ASH1L: variants seen among roughly 807,000 people sequenced by gnomAD.
ASH1L encodes histone-lysine N-methyltransferase ASH1L.
Under a neutral mutation model 269.0 loss-of-function variants are expected in ASH1L, and 23 were observed. The observed-to-expected ratio is 0.09, with a 90% CI of 0.06 to 0.12. ASH1L has a LOEUF of 0.12. Ranked by LOEUF, ASH1L falls within the 10% of genes least tolerant of loss-of-function variation. The probability of loss-of-function intolerance (pLI) is 1.00; values close to 1 mark genes in which losing one functional copy is unlikely to be tolerated. For missense variants in ASH1L, 2,912 were observed against 3,567.8 expected (o/e 0.82, Z 4.68); for synonymous variants, 1,187 against 1,253.5 (o/e 0.95, Z 1.12).
chr1:155,529,420 G>C (rs528227823), intron 1 of ASH1L, among the ~76,000 whole-genome samples: 1 of 145,872 alleles, frequency 6.9e-6, no homozygotes, highest in African/African-American at 2.6e-5. Context: ...CTGTGGTTTT[G>C]ATTTGCATTT....
rs1325186465 is a variant in ASH1L at position 155,341,946 on chromosome 1, T to C, written c.8450A>G (p.Lys2817Arg). ...AGGAAGGAGACTCACCGAGAAATCT[T>C]TTTTGGGAGTGAGCTTCTTGGGGAA... ...DHFPKKLTPK[K>R]DFSPHYVPDN... The change falls in exon 25 of 28, where the codon AAA becomes AGA. Residue 2817 changes from lysine to arginine, a missense_variant. Around this residue, in one of 13 missense-constraint regions of ASH1L, gnomAD observed 179 missense variants for 293.8 expected, o/e 0.61. Coordinates refer to ENST00000392403, the MANE Select transcript of ASH1L (RefSeq NM_018489.3). 2.5e-6 allele frequency: 4 copies of C among 1,614,008 alleles called. No individual in the cohort carries two copies. Among genetic ancestry groups the C allele is most frequent in the Non-Finnish European group, 3.4e-6 (4 of 1,179,986 alleles).
intron 16 of ASH1L, among the ~76,000 whole-genome samples, chr1:155,354,077 G>A: frequency 6.6e-6 from 1 of 152,158 alleles, no homozygotes; most frequent in East Asian, 1.9e-4. Flanking sequence ...AACTTTTTTG[G>A]TCAATACTAA....
At chr1:155,366,109 G>A (rs1398805943) in intron 12 of ASH1L, among the ~76,000 whole-genome samples, 3 of 152,130 alleles carry the variant, frequency 2.0e-5, no homozygotes, top group Non-Finnish European at 4.4e-5. Flanking sequence ...AAGACAGGAG[G>A]TTGGCACAAA....
At chr1:155,376,425 T>G (rs908326539) in intron 10 of ASH1L, among the ~76,000 whole-genome samples, 5 of 152,138 alleles carry the variant, frequency 3.3e-5, no homozygotes, top group African/African-American at 1.2e-4. Context: ...TTTATTTTGC[T>G]GCACATGTGC....
intron 2 of ASH1L, among the ~76,000 whole-genome samples, chr1:155,492,967 G>C (rs1252453219): frequency 6.6e-6 from 1 of 151,970 alleles, no homozygotes; most frequent in East Asian, 1.9e-4. Context: ...GGGATCACAG[G>C]AATGCAACAC....
Position 155,479,089 on chromosome 1 carries a change from T to C in ASH1L, c.3781A>G (p.Ser1261Gly). The C allele has an allele frequency of 6.2e-7, 1 of 1,614,184 alleles. No homozygotes were observed. The highest frequency in any genetic ancestry group is 8.5e-7 in the Non-Finnish European group (1 of 1,180,034). ...TTCTGCCTTTTCATCTTGTCATAGCTGAGGTAATCATGATTCCTGCGCTTA... is the reference window on the plus strand; with the variant it reads ...TTCTGCCTTTTCATCTTGTCATAGCCGAGGTAATCATGATTCCTGCGCTTA... ...KCKRRNHDYL[S>G]YDKMKRQKRK... Residue 1261 changes from serine to glycine, a missense_variant, in exon 3 of 28, where the codon AGC becomes GGC. Ser to Gly is a moderately conservative substitution (Grantham distance 56). This residue lies in a region of ASH1L where 789 missense variants were observed against 897.6 expected (regional missense o/e 0.88). Coordinates refer to ENST00000392403, the MANE Select transcript of ASH1L (RefSeq NM_018489.3).
rs1661881510 is a variant in ASH1L, at chr1:155,434,183, T to G, written c.5828+4144A>C. On this transcript the variant is annotated intron_variant, in intron 5 of 27. Coordinates refer to ENST00000392403, the MANE Select transcript of ASH1L (RefSeq NM_018489.3). ...GAGCCCTCACTTCACTGCACTGTAC[T>G]CCTCGGTCCCTTTCCCTGAGGGGGA... 6.9e-6 allele frequency: 11 copies of G among 1,594,016 alleles called. No individual in the cohort carries two copies. In the East Asian group the frequency reaches 2.0e-4, roughly 29 times the overall value.
chr1:155,392,444 T>C (rs1571084361), intron 7 of ASH1L, among the ~76,000 whole-genome samples: 2 of 152,282 alleles, frequency 1.3e-5, no homozygotes, highest in South Asian at 2.1e-4. Context: ...TCCAGTGACT[T>C]AGGATTACTA....
intron 5 of ASH1L, among the ~76,000 whole-genome samples, chr1:155,426,352 G>A (rs1223659373): frequency 6.6e-6 from 1 of 151,994 alleles, no homozygotes; most frequent in Non-Finnish European, 1.5e-5. Context: ...TTACAGGCAT[G>A]AGCCACCGCA....
intron 1 of ASH1L, 148 bp downstream of exon 1, chr1:155,562,005 C>G (rs1672008865): frequency 1.6e-6 from 1 of 619,116 alleles, no homozygotes; most frequent in Non-Finnish European, 2.8e-6. Flanking sequence ...GGCTCAGGAT[C>G]CCCCTCCCTG....
At chr1:155,381,782 G>A (rs1238232806) in intron 7 of ASH1L, among the ~76,000 whole-genome samples, 1 of 151,670 alleles carries the variant, frequency 6.6e-6, no homozygotes, top group Non-Finnish European at 1.5e-5. Flanking sequence ...GGCTGAAATA[G>A]GAGAATCGCT....
Position 155,521,186 on chromosome 1 carries a change from T to C in ASH1L, c.334A>G (p.Ile112Val), listed in dbSNP as rs764329610. 1.9e-6 allele frequency: 3 copies of C among 1,613,958 alleles called. No homozygotes were observed. The highest frequency in any genetic ancestry group is 1.7e-5 in the Admixed American group (1 of 59,976). ...NLENYVCRPA[I>V]KTTIKHPRKA... ...CTTGGGTGCTTAATAGTTGTTTTTA[T>C]GGCAGGTCGACATACATAGTTCTCC... Residue 112 changes from isoleucine (I) to valine (V), a missense_variant, in exon 2 of 28, where the codon ATA becomes GTA. Transcript: ENST00000392403.
chr1:155,434,060 T>C (rs1436143807), intron 5 of ASH1L: 4 of 1,592,118 alleles, frequency 2.5e-6, no homozygotes, highest in South Asian at 1.1e-5. Flanking sequence ...CGACTATGCA[T>C]AACGAGAGGA....
In ASH1L at chr1:155,479,923, T is replaced by C. The variant is rs1292452383; in HGVS notation, c.2947A>G (p.Ile983Val). The C allele has an allele frequency of 6.2e-7, 1 of 1,613,594 alleles. No individual in the cohort carries two copies. The highest frequency in any genetic ancestry group is 8.5e-7 in the Non-Finnish European group (1 of 1,179,798). The change falls in exon 3 of 28, where the codon ATC becomes GTC. Residue 983 changes from isoleucine to valine, a missense_variant. By Grantham distance (29) the Ile-to-Val change is conservative. Coordinates refer to ENST00000392403, the MANE Select transcript of ASH1L (RefSeq NM_018489.3). ...RNNGQLMKTI[I>V]RKINKMKTLK... ...GTCTTCATTTTATTTATTTTGCGGA[T>C]AATTGTTTTCATTAATTGTCCATTG...
At chr1:155,362,419 T>C (rs758600677) in intron 12 of ASH1L, among the ~76,000 whole-genome samples, 1 of 151,730 alleles carries the variant, frequency 6.6e-6, no homozygotes, top group Non-Finnish European at 1.5e-5. Flanking sequence ...AAAAAGAATA[T>C]AGTCATTATC....
intron 3 of ASH1L, among the ~76,000 whole-genome samples, chr1:155,469,846 A>G (rs1440767962): frequency 6.6e-6 from 1 of 152,184 alleles, no homozygotes. Context: ...TCAACAAATT[A>G]TTCCCCATCT....
At chr1:155,558,799 T>G (rs1671768539) in intron 1 of ASH1L, among the ~76,000 whole-genome samples, 1 of 151,894 alleles carries the variant, frequency 6.6e-6, no homozygotes, top group Non-Finnish European at 1.5e-5. Flanking sequence ...CCCAAAGCAC[T>G]GGGATCATAG....
chr1:155,459,734 C>T, intron 4 of ASH1L, 63 bp downstream of exon 4: 1 of 1,294,486 alleles, frequency 7.7e-7, no homozygotes, highest in Non-Finnish European at 1.1e-6. Flanking sequence ...TATTGTAACT[C>T]CTTATTCACA....
chr1:155,404,825 C>T (rs1007557470), intron 6 of ASH1L, among the ~76,000 whole-genome samples: 1 of 151,560 alleles, frequency 6.6e-6, no homozygotes, highest in Non-Finnish European at 1.5e-5. Context: ...GTCAAGAGAT[C>T]GAGACCGTCC....
Sources: allele counts gnomAD v4.1 joint callset (sites outside exome capture counted in the v4.1 genomes callset), GRCh38; gene constraint gnomAD v4.1.1; regional missense constraint gnomAD v4.1.1; transcripts MANE v1.5; gene names NCBI Gene and HGNC (gene_info 2026-07-23, HGNC 2026-07-21).